The following MBOAT2 variants were observed in gnomAD, a reference collection of about 807,000 sequenced individuals.
MBOAT2 encodes the protein membrane bound glycerophospholipid O-acyltransferase 2, also known as membrane-bound glycerophospholipid O-acyltransferase 2.
Under a neutral mutation model 63.4 loss-of-function variants are expected in MBOAT2, and 28 were observed. The observed-to-expected ratio is 0.44, with a 90% CI of 0.33 to 0.61. The LOEUF is 0.61. Among genes scored for constraint, MBOAT2 ranks in the 20% least tolerant of loss-of-function variants. The pLI, the probability that MBOAT2 is intolerant of heterozygous loss-of-function variation, is 0.03. For synonymous variants in MBOAT2, 211 were observed against 215.6 expected, an observed-to-expected ratio of 0.98 and a Z score of 0.19; for missense variants, 470 against 605.8, an observed-to-expected ratio of 0.78 and a Z score of 2.35.
At chr2:8,911,684 G>A (rs180771301) in intron 3 of MBOAT2, among the ~76,000 whole-genome samples, 3 of 152,160 alleles carry the variant, frequency 2.0e-5, no homozygotes, top group East Asian at 3.9e-4. Flanking sequence ...GCACCTCACC[G>A]CTCTTTCCTC....
intron 12 of MBOAT2, among the ~76,000 whole-genome samples, chr2:8,859,199 A>G (rs534681236): frequency 1.2e-4 from 18 of 152,318 alleles, no homozygotes; most frequent in Non-Finnish European, 2.4e-4. Flanking sequence ...AAAAATGTAC[A>G]TATTAATACC....
intron 5 of MBOAT2, 68 bp downstream of exon 5, chr2:8,887,950 A>G: frequency 3.6e-6 from 5 of 1,403,982 alleles, no homozygotes; most frequent in East Asian, 2.3e-5. Context: ...AGTTATGGCA[A>G]TATCTCAAGC....
chr2:9,000,593 G>C (rs1268350866), intron 1 of MBOAT2, among the ~76,000 whole-genome samples: 1 of 152,188 alleles, frequency 6.6e-6, no homozygotes, highest in African/African-American at 2.4e-5. Context: ...GCTATGTTCT[G>C]AAAAATGCAT....
chr2:8,967,823 T>C (rs543819439), intron 1 of MBOAT2, among the ~76,000 whole-genome samples: 3 of 151,810 alleles, frequency 2.0e-5, no homozygotes, highest in Admixed American at 2.0e-4. Flanking sequence ...ATAAAAAAAA[T>C]TAGATACAAC....
At position 8,882,494 on chromosome 2, in the gene MBOAT2, G is replaced by A. The variant is rs1490859695; in HGVS notation, c.506+17C>T. 1.2e-6 allele frequency: 2 copies of A among 1,613,786 alleles called. No individual in the cohort carries two copies. On this transcript the variant is annotated intron_variant, in intron 6 of 12. Coordinates refer to ENST00000305997, the MANE Select transcript of MBOAT2 (RefSeq NM_138799.4). ...GGGCGCAGGAAGCATGGCAGAATAG[G>A]ATGCAAAGGCACGTACCTTACAGCT...
chr2:8,907,255 C>T (rs1313798038), intron 4 of MBOAT2, among the ~76,000 whole-genome samples: 1 of 152,068 alleles, frequency 6.6e-6, no homozygotes. Flanking sequence ...TGTTACTTTC[C>T]CCCATTTTTC....
intron 2 of MBOAT2, 47 bp downstream of exon 2, chr2:8,958,450 T>G: frequency 6.7e-7 from 1 of 1,484,486 alleles, no homozygotes; most frequent in East Asian, 2.4e-5. Context: ...AATTCTCAAA[T>G]ACATCCAAAT....
rs1446898231 is a variant in MBOAT2 at position 8,967,150 on chromosome 2, T to A, written c.76-8508A>T. Among the ~76,000 whole-genome samples the A allele has an allele frequency of 7.2e-5, 11 of 152,214 alleles. No individual in the cohort carries two copies. The East Asian group carries it at 2.1e-3, about 29-fold the overall frequency. On this transcript the variant is annotated intron_variant, in intron 1 of 12. Transcript: ENST00000305997. ...ACCATACTGTCTGGGAATGCCTACATAATTGACATGAAAATGACAATCACT... is the reference window on the plus strand; with the variant it reads ...ACCATACTGTCTGGGAATGCCTACAAAATTGACATGAAAATGACAATCACT...
chr2:9,001,330 C>T (rs1672675108), intron 1 of MBOAT2, among the ~76,000 whole-genome samples: 1 of 152,036 alleles, frequency 6.6e-6, no homozygotes, highest in African/African-American at 2.4e-5. Flanking sequence ...ATGTGCTAGA[C>T]TTTTATAGGA....
chr2:8,967,603 A>G (rs1387781194), intron 1 of MBOAT2, among the ~76,000 whole-genome samples: 2 of 152,238 alleles, frequency 1.3e-5, no homozygotes, highest in Non-Finnish European at 2.9e-5. Flanking sequence ...ATATTGAAAT[A>G]TAAACATGTG....
intron 1 of MBOAT2, among the ~76,000 whole-genome samples, chr2:8,998,054 A>G (rs1422110147): frequency 2.0e-5 from 3 of 152,194 alleles, no homozygotes; most frequent in Non-Finnish European, 4.4e-5. Context: ...ATTTGGTCCA[A>G]AAAGAATTTG....
chr2:8,901,514 G>A (rs991450593), intron 4 of MBOAT2, among the ~76,000 whole-genome samples: 3 of 152,132 alleles, frequency 2.0e-5, no homozygotes, highest in African/African-American at 7.2e-5. Flanking sequence ...CTATAAAGAT[G>A]TTATGCCCCA....
intron 2 of MBOAT2, among the ~76,000 whole-genome samples, chr2:8,955,540 CAG>C (rs1482649346): frequency 6.6e-6 from 1 of 152,180 alleles, no homozygotes; most frequent in Non-Finnish European, 1.5e-5. Flanking sequence ...AATTAAAGCT[CAG>C]AGAGTTGATC....
Position 8,858,565 on chromosome 2 carries a change from G to T in MBOAT2, c.*114C>A. 1.4e-6 allele frequency: 1 copy of T among 735,118 alleles called. No individual in the cohort carries two copies. The highest frequency in any genetic ancestry group is 2.2e-6 in the Non-Finnish European group (1 of 451,296). The allele number at this position is 735,118 out of a possible 1,614,324, so 45.5% of individuals were successfully genotyped here. On this transcript the variant is annotated 3_prime_UTR_variant, in exon 13 of 13. Transcript: ENST00000305997. Reference sequence around the variant, plus strand: ...TACAGGAAATTCCTTATCTATAACTGTCCATTTCCCCCCAGTTAACTGCTT... The same window carrying T: ...TACAGGAAATTCCTTATCTATAACTTTCCATTTCCCCCCAGTTAACTGCTT...
At chr2:8,956,294 A>G (rs1019789566) in intron 2 of MBOAT2, among the ~76,000 whole-genome samples, 3 of 152,256 alleles carry the variant, frequency 2.0e-5, no homozygotes, top group Non-Finnish European at 4.4e-5. Flanking sequence ...TCCAGTTAGC[A>G]AAGAGTTATC....
rs944652529 is a variant in MBOAT2, at chr2:9,003,065, C to T, written c.75+475G>A. ...CTCTAAGGCACCCAGCACACCCAGA[C>T]CCATGCATCAGCCTCTCCGGGGGTC... On this transcript the variant is annotated intron_variant, in intron 1 of 12. Coordinates refer to ENST00000305997, the MANE Select transcript of MBOAT2 (RefSeq NM_138799.4). The surrounding 1 kb of genome is among the most constrained non-coding windows in gnomAD (Gnocchi z 5.4). 6.6e-6 allele frequency among the ~76,000 whole-genome samples: 1 copy of T among 152,174 alleles called. No homozygotes were observed. Among genetic ancestry groups the T allele is most frequent in the Non-Finnish European group, 1.5e-5 (1 of 68,006 alleles).
In MBOAT2 at chr2:8,985,166, A is replaced by G. The variant is rs76412873; in HGVS notation, c.75+18374T>C. On this transcript the variant is annotated intron_variant, in intron 1 of 12. Coordinates refer to ENST00000305997, the MANE Select transcript of MBOAT2 (RefSeq NM_138799.4). ...CAAATTCTTCATCTTCCACTGCTCA[A>G]CTGGCTATATTAGCTGAGAGTTAGG... Among the ~76,000 whole-genome samples the G allele has an allele frequency of 2.4e-4, 36 of 152,330 alleles. 1 individual carries two copies. In the East Asian group the frequency reaches 6.0e-3, roughly 25 times the overall value.
intron 2 of MBOAT2, among the ~76,000 whole-genome samples, chr2:8,953,320 G>A (rs1417581298): frequency 1.3e-5 from 2 of 152,150 alleles, no homozygotes; most frequent in Non-Finnish European, 2.9e-5. Flanking sequence ...TAGCCTGATG[G>A]GGTTCCCTTT....
At chr2:8,978,018 G>A (rs1363523314) in intron 1 of MBOAT2, among the ~76,000 whole-genome samples, 1 of 151,984 alleles carries the variant, frequency 6.6e-6, no homozygotes, top group East Asian at 1.9e-4. Flanking sequence ...TTCCTCTCCT[G>A]CCTCTACCAG....
Sources: gnomAD v4.1 joint callset for allele counts (sites outside exome capture counted in the v4.1 genomes callset) on GRCh38, gnomAD v4.1.1 for gene constraint, Gnocchi (gnomAD v3.1) non-coding constraint, MANE v1.5 for transcripts, NCBI Gene and HGNC (gene_info 2026-07-23, HGNC 2026-07-21) for gene names.